STK3: variants seen among roughly 807,000 people sequenced by gnomAD.
STK3 encodes the protein serine/threonine-protein kinase 3.
Under a neutral mutation model 58.0 loss-of-function variants are expected in STK3, and 41 were observed. The observed-to-expected ratio is 0.71, with a 90% CI of 0.55 to 0.92. The LOEUF (loss-of-function observed/expected upper bound fraction) is 0.92. Among genes scored for constraint, STK3 ranks in the 40% least tolerant of loss-of-function variants. The pLI is 0.00. For missense variants in STK3, 479 were observed against 602.7 expected, an observed-to-expected ratio of 0.79 and a Z score of 2.15; for synonymous variants, 170 against 191.0, an observed-to-expected ratio of 0.89 and a Z score of 0.91.
chr8:98,490,319 G>A (rs987895977), intron 10 of STK3, among the ~76,000 whole-genome samples: 4 of 152,124 alleles, frequency 2.6e-5, no homozygotes, highest in Middle Eastern at 3.2e-3. Context: ...TTAGATAACT[G>A]TATTTTCAAT....
At chr8:98,638,778 A>C (rs1376239191) in intron 6 of STK3, among the ~76,000 whole-genome samples, 1 of 152,194 alleles carries the variant, frequency 6.6e-6, no homozygotes, top group African/African-American at 2.4e-5. Context: ...GAGCATGAGA[A>C]CAGTATTAAG....
At chr8:98,751,041 A>G (rs1353563079) in intron 3 of STK3, among the ~76,000 whole-genome samples, 2 of 152,234 alleles carry the variant, frequency 1.3e-5, no homozygotes, top group African/African-American at 4.8e-5. Flanking sequence ...GGCTTTCGAT[A>G]AAATCAGACA....
chr8:98,617,943 A>C (rs939412274), intron 6 of STK3, among the ~76,000 whole-genome samples: 1 of 152,188 alleles, frequency 6.6e-6, no homozygotes, highest in African/African-American at 2.4e-5. Context: ...AAAAGAGGGA[A>C]TCCTCCCTAA....
At chr8:98,524,524 C>T (rs1156952844) in intron 10 of STK3, among the ~76,000 whole-genome samples, 1 of 152,096 alleles carries the variant, frequency 6.6e-6, no homozygotes, top group Non-Finnish European at 1.5e-5. Context: ...TTCTTTCACC[C>T]ATATTTTTGC....
At chr8:98,728,798 T>TGAACA (rs1258389449) in intron 4 of STK3, among the ~76,000 whole-genome samples, 2 of 152,132 alleles carry the variant, frequency 1.3e-5, no homozygotes, top group Non-Finnish European at 2.9e-5. Flanking sequence ...AGCACTTTAT[T>TGAACA]GAACAGAAAT....
intron 6 of STK3, among the ~76,000 whole-genome samples, chr8:98,614,903 CG>C (rs1817549162): frequency 6.6e-6 from 1 of 152,178 alleles, no homozygotes; most frequent in South Asian, 2.1e-4. Flanking sequence ...CGCCATTGCC[CG>C]GGCTTGCTTA....
chr8:98,344,471 G>A, the STK3 span, among the ~76,000 whole-genome samples: 1 of 152,202 alleles, frequency 6.6e-6, no homozygotes, highest in African/African-American at 2.4e-5. Flanking sequence ...CATGGTTTAG[G>A]CATCCTTGCT....
At chr8:98,588,069 G>C (rs11778347) in intron 7 of STK3, among the ~76,000 whole-genome samples, 3,592 of 152,126 alleles carry the variant, frequency 0.024, 74 homozygotes, top group Middle Eastern at 0.088. Context: ...CAGTCTGTGT[G>C]TTTTAATTGG....
intron 4 of STK3, among the ~76,000 whole-genome samples, chr8:98,747,565 T>C (rs1358572806): frequency 1.3e-5 from 2 of 152,200 alleles, no homozygotes; most frequent in Non-Finnish European, 2.9e-5. Flanking sequence ...AGATATTTTT[T>C]AAATAGGATG....
intron 8 of STK3, among the ~76,000 whole-genome samples, chr8:98,564,303 G>A (rs1014306041): frequency 6.6e-6 from 1 of 152,088 alleles, no homozygotes; most frequent in Non-Finnish European, 1.5e-5. Context: ...TTCTGTGCCT[G>A]GCTTATATCA....
At chr8:98,535,981 T>C (rs1229301348) in intron 9 of STK3, among the ~76,000 whole-genome samples, 1 of 152,076 alleles carries the variant, frequency 6.6e-6, no homozygotes, top group Admixed American at 6.6e-5. Flanking sequence ...TAGAGAGAAG[T>C]GGTAGCAACA....
intron 3 of STK3, among the ~76,000 whole-genome samples, chr8:98,407,626 C>G (rs1818008421): frequency 6.6e-6 from 1 of 152,062 alleles, no homozygotes; most frequent in African/African-American, 2.4e-5. Flanking sequence ...AGAACAGTAG[C>G]TGATGGGGAA....
intron 10 of STK3, among the ~76,000 whole-genome samples, chr8:98,507,475 G>A (rs111406090): frequency 2.2e-4 from 33 of 152,262 alleles, no homozygotes; most frequent in Non-Finnish European, 3.4e-4. Flanking sequence ...CTCTTTGCCC[G>A]GATGACTGCT....
intron 6 of STK3, among the ~76,000 whole-genome samples, chr8:98,704,387 GT>G (rs1309487379): frequency 6.6e-6 from 1 of 152,052 alleles, no homozygotes; most frequent in Admixed American, 6.6e-5. Flanking sequence ...ACTATATTAT[GT>G]TTGGAAATGC....
chr8:98,893,546 G>GAAAA (rs1564087663), intron 1 of STK3, among the ~76,000 whole-genome samples: 43 of 138,620 alleles, frequency 3.1e-4, no homozygotes, highest in African/African-American at 1.1e-3. Context: ...GAAAAAGAAA[G>GAAAA]AGAAAGAGAA....
intron 2 of STK3, among the ~76,000 whole-genome samples, chr8:98,772,937 A>G (rs1831413839): frequency 6.6e-6 from 1 of 152,152 alleles, no homozygotes; most frequent in South Asian, 2.1e-4. Context: ...TCTTATAACA[A>G]CACAAGAACA....
chr8:98,569,284 A>G (rs1812761353), intron 8 of STK3, among the ~76,000 whole-genome samples: 1 of 152,198 alleles, frequency 6.6e-6, no homozygotes, highest in African/African-American at 2.4e-5. Context: ...ACTGGGAGAT[A>G]TGATACATAA....
At chr8:98,604,172 TTCTC>T (rs1315662931) in intron 6 of STK3, among the ~76,000 whole-genome samples, 1 of 152,134 alleles carries the variant, frequency 6.6e-6, no homozygotes, top group African/African-American at 2.4e-5. Context: ...AGGAAACAAA[TTCTC>T]TCTGAGATAC....
intron 1 of STK3, among the ~76,000 whole-genome samples, chr8:98,884,194 T>C (rs146086470): frequency 5.3e-5 from 8 of 152,304 alleles, no homozygotes; most frequent in African/African-American, 1.9e-4. Context: ...CATTCCTATA[T>C]ATGTGATCTA....
Sources: gnomAD v4.1 joint callset for allele counts (sites outside exome capture counted in the v4.1 genomes callset) on GRCh38, gnomAD v4.1.1 for gene constraint, MANE v1.5 for transcripts, NCBI Gene and HGNC (gene_info 2026-07-23, HGNC 2026-07-21) for gene names.